The following CLIP2 variants were observed in gnomAD, a reference collection of about 807,000 sequenced individuals.
CLIP2 encodes the protein CAP-Gly domain-containing linker protein 2.
Under a neutral mutation model 111.7 loss-of-function variants are expected in CLIP2, and 41 were observed. That is an observed-to-expected ratio of 0.37 (90% confidence interval 0.29 to 0.48). CLIP2 has a LOEUF of 0.48. CLIP2 is among the 20% of genes least tolerant of loss of function. The pLI is 0.99. For synonymous variants in CLIP2, 660 were observed against 644.2 expected, an observed-to-expected ratio of 1.02 and a Z score of -0.37; for missense variants, 1,160 against 1,422.1, an observed-to-expected ratio of 0.82 and a Z score of 2.96.
chr7:74,400,552 C>A lies in CLIP2; in HGVS notation c.3063C>A (p.Ala1021=). 6.4e-7 allele frequency: 1 copy of A among 1,562,292 alleles called. No individual in the cohort carries two copies. Among genetic ancestry groups the A allele is most frequent in the East Asian group, 2.4e-5 (1 of 42,100 alleles). Residue 1021 remains alanine (A), a synonymous_variant, in exon 15 of 17, where the codon GCC becomes GCA. Coordinates refer to ENST00000223398, the MANE Select transcript of CLIP2 (RefSeq NM_003388.5). ...MEAMRSCPDK[A]QTIGNSGSAN... ...CCATGAGGAGCTGCCCTGACAAGGCCCAGGTGAGCCGCGGCTGACAGGGCC... is the reference window on the plus strand; with the variant it reads ...CCATGAGGAGCTGCCCTGACAAGGCACAGGTGAGCCGCGGCTGACAGGGCC...
chr7:74,326,530 A>G (rs1789110745), intron 2 of CLIP2, among the ~76,000 whole-genome samples: 1 of 151,862 alleles, frequency 6.6e-6, no homozygotes. Flanking sequence ...TATGTGTGGG[A>G]GTGTTACCCA....
In CLIP2 at chr7:74,338,444, G is replaced by T; in HGVS notation, c.122-4G>T. 1 of 1,611,794 alleles carries T rather than the reference G, an allele frequency of 6.2e-7. No individual in the cohort carries two copies. The highest frequency in any genetic ancestry group is 8.5e-7 in the Non-Finnish European group (1 of 1,179,488). Reference sequence around the variant, plus strand: ...TCTTTCCCTTTCCCTCTCCTTCTCTGCAGGCTCCCCACTGCACAAACAGTC... The same window carrying T: ...TCTTTCCCTTTCCCTCTCCTTCTCTTCAGGCTCCCCACTGCACAAACAGTC... On this transcript the variant is annotated splice_polypyrimidine_tract_variant and splice_region_variant and intron_variant, in intron 2 of 16. Transcript: ENST00000223398. This position sits in a 1 kb window ranked among gnomAD's most constrained non-coding sequence, Gnocchi z 4.3.
intron 3 of CLIP2, among the ~76,000 whole-genome samples, chr7:74,344,887 T>C (rs1229556652): frequency 1.3e-5 from 2 of 152,018 alleles, no homozygotes; most frequent in African/African-American, 4.8e-5. Flanking sequence ...CAGACGGGCC[T>C]CCATGGCAGA....
At chr7:74,353,462 G>A (rs1790068037) in intron 3 of CLIP2, among the ~76,000 whole-genome samples, 2 of 152,102 alleles carry the variant, frequency 1.3e-5, no homozygotes, top group South Asian at 4.1e-4. Context: ...TGTTGGGCAG[G>A]CTGGTCTTGA....
At chr7:74,330,248 C>CTTTT (rs10635770) in intron 2 of CLIP2, among the ~76,000 whole-genome samples, 3,946 of 136,320 alleles carry the variant, frequency 0.029, 91 homozygotes, top group African/African-American at 0.063. Context: ...TGTTTCTTTT[C>CTTTT]TTTTTTTTTT....
chr7:74,403,214 CAA>C (rs35885639), intron 16 of CLIP2, among the ~76,000 whole-genome samples: 470 of 113,048 alleles, frequency 4.2e-3, no homozygotes, highest in African/African-American at 0.012. Flanking sequence ...GAGACTGTCT[CAA>C]AAAAAAAAAA....
intron 8 of CLIP2, among the ~76,000 whole-genome samples, chr7:74,368,020 T>C (rs552980): frequency 0.44 from 66,693 of 151,976 alleles, 15,079 homozygotes; most frequent in East Asian, 0.74. Flanking sequence ...CGAGACCAGC[T>C]TGGGCAACAT....
In CLIP2 at chr7:74,338,668, C is replaced by T. The variant is rs201025665; in HGVS notation, c.342C>T (p.Asp114=). The change falls in exon 3 of 17, where the codon GAC becomes GAT. Residue 114 remains aspartate (D), a synonymous_variant. Transcript: ENST00000223398. The surrounding 1 kb of genome is among the most constrained non-coding windows in gnomAD (Gnocchi z 4.3). ...APGQWAGVVL[D]DPVGKNDGAV... ...GCCAGTGGGCTGGCGTGGTGCTGGA[C>T]GACCCGGTGGGCAAGAATGATGGCG... The T allele has an allele frequency of 6.3e-6, 10 of 1,576,094 alleles. No homozygotes were observed. In the East Asian group the frequency reaches 9.4e-5, roughly 15 times the overall value.
At chr7:74,349,878 G>T (rs1213950947) in intron 3 of CLIP2, among the ~76,000 whole-genome samples, 2 of 151,904 alleles carry the variant, frequency 1.3e-5, no homozygotes, top group African/African-American at 2.4e-5. Context: ...GCCTCCCAAA[G>T]TGCTGTGATT....
chr7:74,302,031 G>A (rs1788352390), intron 1 of CLIP2, among the ~76,000 whole-genome samples: 2 of 151,916 alleles, frequency 1.3e-5, no homozygotes, highest in Non-Finnish European at 2.9e-5. Flanking sequence ...TCATTCTAAT[G>A]GTAATGGATG....
chr7:74,344,268 C>T (rs1204295333), intron 3 of CLIP2, among the ~76,000 whole-genome samples: 2 of 152,180 alleles, frequency 1.3e-5, no homozygotes, highest in African/African-American at 4.8e-5. Flanking sequence ...GCAGGGTTGG[C>T]AGCAGCAAGG....
rs112530060 is a variant in CLIP2 at position 74,343,491 on chromosome 7, C to CTTCA, written c.678+4515_678+4518dup. On this transcript the variant is annotated intron_variant, in intron 3 of 16. Coordinates refer to ENST00000223398, the MANE Select transcript of CLIP2 (RefSeq NM_003388.5). ...GGGCAAGTCACTTACAGAGCCTCAT[C>CTTCA]TTCATTCATTCATTCATTCATTCAT... 5.2e-3 allele frequency among the ~76,000 whole-genome samples: 795 copies of CTTCA among 152,054 alleles called. 6 individuals are homozygous for CTTCA. Among genetic ancestry groups the CTTCA allele is most frequent in the African/African-American group, 0.014 (601 of 41,470 alleles).
chr7:74,310,036 CAA>C (rs71094774), intron 1 of CLIP2, among the ~76,000 whole-genome samples: 6 of 92,478 alleles, frequency 6.5e-5, no homozygotes, highest in African/African-American at 3.7e-4. Flanking sequence ...CCTGTCTCTA[CAA>C]AAAAAAAAAA....
At chr7:74,291,428 T>A (rs1788014752) in intron 1 of CLIP2, among the ~76,000 whole-genome samples, 2 of 152,244 alleles carry the variant, frequency 1.3e-5, no homozygotes, top group Non-Finnish European at 1.5e-5. Context: ...AGAGTTCAGA[T>A]GCTGGAGCTT....
Position 74,364,355 on chromosome 7 carries a change from C to T in CLIP2, c.1380+40C>T, listed in dbSNP as rs143427039. On this transcript the variant is annotated intron_variant, in intron 8 of 16. Coordinates refer to ENST00000223398, the MANE Select transcript of CLIP2 (RefSeq NM_003388.5). ...CCCCTTCCCTGGGCACACTTAGCACCGGTGCCTGGCCCTTGCTAGGGCAGA... is the reference window on the plus strand; with the variant it reads ...CCCCTTCCCTGGGCACACTTAGCACTGGTGCCTGGCCCTTGCTAGGGCAGA... 473 of 1,565,788 alleles carry T rather than the reference C, an allele frequency of 3.0e-4. 4 individuals are homozygous for T. In the East Asian group the frequency reaches 0.01, roughly 34 times the overall value.
chr7:74,399,876 T>G (rs1413421200), intron 14 of CLIP2, among the ~76,000 whole-genome samples: 1 of 149,038 alleles, frequency 6.7e-6, no homozygotes, highest in Non-Finnish European at 1.5e-5. Flanking sequence ...AAGGCAAGGC[T>G]GGGCGCAGTG....
In CLIP2 at chr7:74,323,877, T is replaced by TAAG. The variant is rs781222167; in HGVS notation, c.121+6210_121+6211insAAG. Among the ~76,000 whole-genome samples, 138 of 152,362 alleles carry TAAG rather than the reference T, an allele frequency of 9.1e-4. 1 individual carries two copies. Among genetic ancestry groups the TAAG allele is most frequent in the Non-Finnish European group, 1.8e-3 (122 of 68,040 alleles). On this transcript the variant is annotated intron_variant, in intron 2 of 16. Coordinates refer to ENST00000223398, the MANE Select transcript of CLIP2 (RefSeq NM_003388.5). Reference sequence around the variant, plus strand: ...GTTTGTGTAAGTACACTCTGTGATGTTCACAGGACAACAAAATCGCCTAAT... The same window carrying TAAG: ...GTTTGTGTAAGTACACTCTGTGATGTAAGTCACAGGACAACAAAATCGCCTAAT...
At chr7:74,381,696 C>T in intron 11 of CLIP2, 1 of 450,180 alleles carries the variant, frequency 2.2e-6, no homozygotes, top group South Asian at 1.6e-5. Flanking sequence ...TCATTTATTC[C>T]ATTTAACAAT....
intron 11 of CLIP2, among the ~76,000 whole-genome samples, chr7:74,384,549 G>A (rs533652756): frequency 6.0e-5 from 9 of 148,914 alleles, no homozygotes; most frequent in South Asian, 2.2e-4. Flanking sequence ...AGGTTCAAGC[G>A]ATTCTCCTGC....
Sources: allele counts gnomAD v4.1 joint callset (sites outside exome capture counted in the v4.1 genomes callset), GRCh38; gene constraint gnomAD v4.1.1; non-coding constraint Gnocchi (gnomAD v3.1); transcripts MANE v1.5; gene names NCBI Gene and HGNC (gene_info 2026-07-23, HGNC 2026-07-21).